LRMDA: variants seen among roughly 807,000 people sequenced by gnomAD.
LRMDA encodes leucine-rich melanocyte differentiation-associated protein.
LRMDA carries 18 observed loss-of-function variants against 29.8 expected under a neutral mutation model. The observed-to-expected ratio is 0.60, with a 90% CI of 0.42 to 0.90. LRMDA has a LOEUF of 0.90. LRMDA is among the 40% of genes least tolerant of loss of function. The pLI is 0.00. For synonymous variants in LRMDA, 125 were observed against 109.4 expected, an observed-to-expected ratio of 1.14 and a Z score of -0.89; for missense variants, 273 against 273.9, an observed-to-expected ratio of 1.00 and a Z score of 0.02.
intron 6 of LRMDA, among the ~76,000 whole-genome samples, chr10:76,479,355 C>T (rs1842713209): frequency 6.6e-6 from 1 of 151,916 alleles, no homozygotes. Context: ...CTCACAAAGC[C>T]AGCTTCATGG....
intron 6 of LRMDA, among the ~76,000 whole-genome samples, chr10:76,548,450 C>CAAGAAAAAAAA (rs1843448334): frequency 7.3e-6 from 1 of 137,710 alleles, no homozygotes; most frequent in Non-Finnish European, 1.6e-5. Flanking sequence ...TGGCTTGGAC[C>CAAGAAAAAAAA]AAAAAAAAAA....
chr10:76,065,948 A>G (rs1191756421), intron 5 of LRMDA, among the ~76,000 whole-genome samples: 1 of 152,218 alleles, frequency 6.6e-6, no homozygotes, highest in Non-Finnish European at 1.5e-5. Flanking sequence ...GAGAGACACC[A>G]TGACCAGACC....
Position 75,555,725 on chromosome 10 carries a change from C to T in LRMDA, c.131+117231C>T, listed in dbSNP as rs529072697. On this transcript the variant is annotated intron_variant, in intron 2 of 6. Coordinates refer to ENST00000611255, the MANE Select transcript of LRMDA (RefSeq NM_001305581.2). Reference sequence around the variant, plus strand: ...CAACCTAAAATTACTTACTGCATGACGAAACACAATCAACAGAGATCAACT... The same window carrying T: ...CAACCTAAAATTACTTACTGCATGATGAAACACAATCAACAGAGATCAACT... Among the ~76,000 whole-genome samples, 12 of 152,146 alleles carry T rather than the reference C, an allele frequency of 7.9e-5. No individual in the cohort carries two copies. The East Asian group carries it at 1.5e-3, about 20-fold the overall frequency.
chr10:75,659,567 C>T (rs1301722780), intron 2 of LRMDA, among the ~76,000 whole-genome samples: 2 of 152,156 alleles, frequency 1.3e-5, no homozygotes, highest in Non-Finnish European at 2.9e-5. Flanking sequence ...TATTATCTCA[C>T]TTATATGTGT....
At chr10:75,487,710 CA>C (rs1447163973) in intron 2 of LRMDA, among the ~76,000 whole-genome samples, 1 of 152,202 alleles carries the variant, frequency 6.6e-6, no homozygotes, top group Non-Finnish European at 1.5e-5. Flanking sequence ...CAACTCTCCA[CA>C]AGCCAGTGCT....
chr10:75,814,721 A>G (rs1844028032), intron 2 of LRMDA, among the ~76,000 whole-genome samples: 4 of 152,206 alleles, frequency 2.6e-5, no homozygotes, highest in Admixed American at 2.6e-4. Context: ...AAAGCAAAGC[A>G]GTTGTCATCT....
chr10:76,008,119 G>C (rs761769466), intron 2 of LRMDA, among the ~76,000 whole-genome samples: 1 of 152,184 alleles, frequency 6.6e-6, no homozygotes, highest in African/African-American at 2.4e-5. Context: ...GGCGGGGGCC[G>C]GGGAGAAGCC....
intron 5 of LRMDA, among the ~76,000 whole-genome samples, chr10:76,291,120 G>A (rs958707794): frequency 5.9e-5 from 9 of 152,170 alleles, no homozygotes; most frequent in Admixed American, 2.6e-4. Flanking sequence ...AGCGGTCAAT[G>A]AGTGTTACTG....
At chr10:76,333,980 C>T (rs1466208143) in intron 6 of LRMDA, among the ~76,000 whole-genome samples, 3 of 152,164 alleles carry the variant, frequency 2.0e-5, no homozygotes, top group East Asian at 1.9e-4. Context: ...TCTCTCCCAC[C>T]ATTCATGCAT....
At chr10:76,086,908 G>A (rs1205590536) in intron 5 of LRMDA, among the ~76,000 whole-genome samples, 1 of 152,202 alleles carries the variant, frequency 6.6e-6, no homozygotes, top group East Asian at 1.9e-4. Flanking sequence ...GGGTGGAGAG[G>A]AAGAACATTC....
intron 5 of LRMDA, among the ~76,000 whole-genome samples, chr10:76,267,597 G>T (rs1192409219): frequency 6.6e-6 from 1 of 152,114 alleles, no homozygotes; most frequent in South Asian, 2.1e-4. Flanking sequence ...CTAGCTTATA[G>T]ACATAAACCT....
At chr10:75,500,063 C>T (rs956324150) in intron 2 of LRMDA, among the ~76,000 whole-genome samples, 23 of 152,096 alleles carry the variant, frequency 1.5e-4, no homozygotes, top group Non-Finnish European at 2.1e-4. Flanking sequence ...CAATAGAGCC[C>T]TTTAGTTGAG....
intron 2 of LRMDA, among the ~76,000 whole-genome samples, chr10:75,767,361 T>C (rs1277207532): frequency 6.6e-6 from 1 of 152,206 alleles, no homozygotes; most frequent in African/African-American, 2.4e-5. Flanking sequence ...TAGTATCTCA[T>C]TGTGGTTTTC....
At chr10:75,773,134 G>A (rs1843266705) in intron 2 of LRMDA, among the ~76,000 whole-genome samples, 1 of 152,156 alleles carries the variant, frequency 6.6e-6, no homozygotes, top group African/African-American at 2.4e-5. Flanking sequence ...TGTCTCATAT[G>A]TTGAAGGATG....
chr10:76,372,763 C>G (rs1841470075), intron 6 of LRMDA, among the ~76,000 whole-genome samples: 1 of 152,094 alleles, frequency 6.6e-6, no homozygotes, highest in Non-Finnish European at 1.5e-5. Context: ...TTAGACATCT[C>G]CTTTGCAGGT....
intron 6 of LRMDA, among the ~76,000 whole-genome samples, chr10:76,338,567 C>G (rs531002723): frequency 1.8e-4 from 28 of 151,940 alleles, no homozygotes; most frequent in African/African-American, 6.8e-4. Flanking sequence ...AGTAACAGAG[C>G]TATCTCTAAG....
At chr10:76,422,355 A>G (rs1842079779) in intron 6 of LRMDA, among the ~76,000 whole-genome samples, 1 of 151,928 alleles carries the variant, frequency 6.6e-6, no homozygotes, top group Non-Finnish European at 1.5e-5. Flanking sequence ...TTCTACACAT[A>G]TTTAGCTCAG....
chr10:75,716,631 C>T lies in LRMDA; in HGVS notation c.131+278137C>T, dbSNP rs75080967. 7.8e-3 allele frequency among the ~76,000 whole-genome samples: 1,182 copies of T among 152,318 alleles called. 15 individuals are homozygous for T. The highest frequency in any genetic ancestry group is 0.027 in the African/African-American group (1,132 of 41,566). On this transcript the variant is annotated intron_variant, in intron 2 of 6. Transcript: ENST00000611255. ...GGTTCAAGCTAGTGGGTGGCCTCAG[C>T]TTCCATTCTGTGCATAGGAAAGGAG...
intron 2 of LRMDA, among the ~76,000 whole-genome samples, chr10:75,639,060 T>C (rs577125591): frequency 6.6e-6 from 1 of 152,350 alleles, no homozygotes; most frequent in Non-Finnish European, 1.5e-5. Context: ...CTAGGCTGAC[T>C]TTTTTGTTCC....
Sources: gnomAD v4.1 joint callset for allele counts (sites outside exome capture counted in the v4.1 genomes callset) on GRCh38, gnomAD v4.1.1 for gene constraint, MANE v1.5 for transcripts, NCBI Gene and HGNC (gene_info 2026-07-23, HGNC 2026-07-21) for gene names.